EYA1: variants seen among roughly 807,000 people sequenced by gnomAD.
EYA1 encodes EYA transcriptional coactivator and phosphatase 1.
A neutral mutation model predicts 82.0 loss-of-function variants in EYA1; 16 were observed. The observed-to-expected ratio is 0.20, with a 90% CI of 0.13 to 0.30. The LOEUF (loss-of-function observed/expected upper bound fraction) is 0.30, where lower values mean the gene tolerates loss of function less well. Among genes scored for constraint, EYA1 ranks in the 10% least tolerant of loss-of-function variants. The pLI is 1.00. For synonymous variants in EYA1, 261 were observed against 264.4 expected (o/e 0.99, Z 0.12); for missense variants, 633 against 730.7 (o/e 0.87, Z 1.54).
intron 9 of EYA1, among the ~76,000 whole-genome samples, chr8:71,297,921 G>T (rs1819766560): frequency 6.6e-6 from 1 of 152,128 alleles, no homozygotes; most frequent in African/African-American, 2.4e-5. Context: ...AAGTTAAAAT[G>T]TGCAGCAGAA....
At chr8:71,441,422 GACAA>G (rs1385959188) in intron 2 of EYA1, among the ~76,000 whole-genome samples, 1 of 151,964 alleles carries the variant, frequency 6.6e-6, no homozygotes, top group Non-Finnish European at 1.5e-5. Context: ...AAAATCACCA[GACAA>G]ACAAACCAAA....
At chr8:71,280,138 G>A (rs184074656) in intron 9 of EYA1, among the ~76,000 whole-genome samples, 16 of 152,300 alleles carry the variant, frequency 1.1e-4, no homozygotes, top group Middle Eastern at 3.4e-3. Context: ...GTCCCTGGGC[G>A]TACTTGTTTA....
At chr8:71,377,279 A>G (rs997725262) in intron 2 of EYA1, among the ~76,000 whole-genome samples, 1 of 152,184 alleles carries the variant, frequency 6.6e-6, no homozygotes, top group African/African-American at 2.4e-5. Flanking sequence ...CATCCCACCA[A>G]GGTACCAGAT....
chr8:71,280,469 A>G (rs1299132709), intron 9 of EYA1, among the ~76,000 whole-genome samples: 1 of 152,222 alleles, frequency 6.6e-6, no homozygotes, highest in Admixed American at 6.5e-5. Context: ...ACATTGCATA[A>G]AATGAATTCT....
In EYA1 at chr8:71,351,238, T is replaced by G. The variant is rs188051398; in HGVS notation, c.124+3544A>C. On this transcript the variant is annotated intron_variant, in intron 3 of 17. Transcript: ENST00000340726. ...CTGTCCAAAGGAAGAGGGAAAACAG[T>G]TGAAAGACGGGCCATGATTGGTGTT... is the stretch of plus-strand genomic sequence containing the variant. 1.1e-3 allele frequency among the ~76,000 whole-genome samples: 169 copies of G among 152,300 alleles called. 1 individual carries two copies. The highest frequency in any genetic ancestry group is 2.6e-3 in the Admixed American group (40 of 15,292).
At chr8:71,490,948 T>C (rs1014375549) in intron 2 of EYA1, among the ~76,000 whole-genome samples, 6 of 152,212 alleles carry the variant, frequency 3.9e-5, no homozygotes, top group African/African-American at 1.4e-4. Flanking sequence ...CACTTAATCC[T>C]TCTTGGGAGG....
intron 2 of EYA1, among the ~76,000 whole-genome samples, chr8:71,456,507 T>C (rs556408596): frequency 2.8e-4 from 42 of 152,154 alleles, no homozygotes; most frequent in East Asian, 2.1e-3. Flanking sequence ...CTTCAAACTA[T>C]ACTACAAGGC....
chr8:71,440,662 T>A (rs1366042020), intron 2 of EYA1, among the ~76,000 whole-genome samples: 2 of 152,170 alleles, frequency 1.3e-5, no homozygotes, highest in Non-Finnish European at 2.9e-5. Flanking sequence ...CCAGTGGGCA[T>A]CTGGATATGA....
At chr8:71,396,446 T>G (rs961073113) in intron 2 of EYA1, among the ~76,000 whole-genome samples, 62 of 152,246 alleles carry the variant, frequency 4.1e-4, no homozygotes, top group African/African-American at 1.5e-3. Context: ...TAAATTTCCC[T>G]CTACACACTG....
chr8:71,228,129 T>A (rs1250807143), intron 12 of EYA1, among the ~76,000 whole-genome samples: 1 of 152,160 alleles, frequency 6.6e-6, no homozygotes, highest in African/African-American at 2.4e-5. Flanking sequence ...CAGTTCCCTG[T>A]GAGCTGCAGG....
chr8:71,394,744 C>A (rs1829486478), intron 2 of EYA1, among the ~76,000 whole-genome samples: 1 of 152,012 alleles, frequency 6.6e-6, no homozygotes, highest in Non-Finnish European at 1.5e-5. Flanking sequence ...CAGTTTTGTT[C>A]TTTTGCTTTA....
At chr8:71,313,461 T>TG (rs1032038707) in intron 7 of EYA1, among the ~76,000 whole-genome samples, 1 of 152,182 alleles carries the variant, frequency 6.6e-6, no homozygotes, top group Admixed American at 6.5e-5. Flanking sequence ...TCCAGAAAGC[T>TG]GGACCATAAT....
At chr8:71,489,380 C>T (rs1810820405) in intron 2 of EYA1, among the ~76,000 whole-genome samples, 1 of 151,266 alleles carries the variant, frequency 6.6e-6, no homozygotes, top group African/African-American at 2.4e-5. Flanking sequence ...TATCATTGTA[C>T]TATATGGCAA....
chr8:71,346,438 A>ATATATATATATC (rs1554561531), intron 3 of EYA1, among the ~76,000 whole-genome samples: 17 of 139,026 alleles, frequency 1.2e-4, no homozygotes, highest in African/African-American at 4.4e-4. Flanking sequence ...GTGAATATAT[A>ATATATATATATC]TATATATATA....
At chr8:71,359,713 T>C (rs1462532250) in intron 1 of EYA1, among the ~76,000 whole-genome samples, 1 of 152,214 alleles carries the variant, frequency 6.6e-6, no homozygotes, top group African/African-American at 2.4e-5. Flanking sequence ...AAGCAATTTT[T>C]ATAAAATGAC....
intron 1 of EYA1, among the ~76,000 whole-genome samples, chr8:71,536,097 A>G (rs139092331): frequency 8.5e-4 from 130 of 152,328 alleles, no homozygotes; most frequent in African/African-American, 3.0e-3. Flanking sequence ...GAAAGAAAGG[A>G]TGGTAGGGAG....
chr8:71,507,950 A>T (rs1466681678), intron 2 of EYA1, among the ~76,000 whole-genome samples: 1 of 152,228 alleles, frequency 6.6e-6, no homozygotes, highest in Non-Finnish European at 1.5e-5. Flanking sequence ...TAAAATGATT[A>T]AATATGAATT....
chr8:71,506,414 A>G (rs1208538703), intron 2 of EYA1, among the ~76,000 whole-genome samples: 1 of 152,230 alleles, frequency 6.6e-6, no homozygotes, highest in Non-Finnish European at 1.5e-5. Context: ...TGTTCATCTC[A>G]GTGTGCAAAA....
intron 2 of EYA1, among the ~76,000 whole-genome samples, chr8:71,419,177 A>G (rs570914576): frequency 1.3e-5 from 2 of 152,274 alleles, no homozygotes. Flanking sequence ...AAGAATCACC[A>G]TTGCTACTGT....
Sources: gnomAD v4.1 joint callset for allele counts (sites outside exome capture counted in the v4.1 genomes callset) on GRCh38, gnomAD v4.1.1 for gene constraint, MANE v1.5 for transcripts, NCBI Gene and HGNC (gene_info 2026-07-23, HGNC 2026-07-21) for gene names.